Variants in DEFB4A observed in about 807,000 individuals in gnomAD.
DEFB4A encodes the protein beta defensin-2.
rs1191567110 is a variant in DEFB4A at position 7,895,736 on chromosome 8, C to T, written c.59-738C>T. On this transcript the variant is annotated intron_variant, in intron 1 of 1. Transcript: ENST00000302247. ...GAGGCACCAGAGACCTCATATTTTC[C>T]AAAACCTAGAACAGTATAATGAAGG... Among the ~76,000 whole-genome samples the T allele has an allele frequency of 2.7e-5, 2 of 74,416 alleles. 1 individual carries two copies. Among genetic ancestry groups the T allele is most frequent in the Non-Finnish European group, 5.6e-5 (2 of 35,758 alleles). The allele number at this position is 74,416 out of a possible 152,430, so 48.8% of individuals were successfully genotyped here.
Position 7,894,984 on chromosome 8 carries a change from GTCTT to G in DEFB4A, c.58+226_58+229del, listed in dbSNP as rs759307164. Among the ~76,000 whole-genome samples, 69 of 110,430 alleles carry G rather than the reference GTCTT, an allele frequency of 6.2e-4. 5 individuals carry two copies. Among genetic ancestry groups the G allele is most frequent in the Non-Finnish European group, 1.1e-3 (54 of 51,400 alleles). The allele number at this position is 110,430 out of a possible 152,430, so 72.4% of individuals were successfully genotyped here. A position where few individuals can be genotyped will look rare whatever the true frequency, so the allele number is the denominator to read the frequency against. On this transcript the variant is annotated intron_variant, in intron 1 of 1. Transcript: ENST00000302247. Reference sequence around the variant, plus strand: ...TCTTTTTCCTCTCTCCCTAGAGCATGTCTTTCTTTCTTTCTCTTTCCTTTCTTCT... The same window carrying G: ...TCTTTTTCCTCTCTCCCTAGAGCATGTCTTTCTTTCTCTTTCCTTTCTTCT...
chr8:7,895,779 A>C (rs1342551847), intron 1 of DEFB4A, among the ~76,000 whole-genome samples: 1 of 44,282 alleles, frequency 2.3e-5, no homozygotes, highest in African/African-American at 8.4e-5. Context: ...GGAGGCAGGG[A>C]GGCAGGGAGG....
At position 7,895,201 on chromosome 8, in the gene DEFB4A, A is replaced by G. The variant is rs558763374; in HGVS notation, c.58+431A>G. ...TTTCCATGCTACAACTGCTGAGACT[A>G]TGGTTGAAACCTGTTAGGTGACTTT... On this transcript the variant is annotated intron_variant, in intron 1 of 1. Transcript: ENST00000302247. Among the ~76,000 whole-genome samples, 39 of 101,816 alleles carry G rather than the reference A, an allele frequency of 3.8e-4. 11 individuals are homozygous for G. Among genetic ancestry groups the G allele is most frequent in the African/African-American group, 1.5e-3 (39 of 26,206 alleles). 66.8% of individuals were successfully genotyped at this position (101,816 alleles called of 152,430 possible). A position where few individuals can be genotyped will look rare whatever the true frequency, so the allele number is the denominator to read the frequency against.
intron 1 of DEFB4A, among the ~76,000 whole-genome samples, chr8:7,896,077 G>A (rs1192940044): frequency 9.8e-6 from 1 of 102,452 alleles, no homozygotes; most frequent in Non-Finnish European, 2.1e-5. Context: ...ATTTGAAAAA[G>A]CAAAAGTTTA....
chr8:7,895,147 G>A (rs1818987317), intron 1 of DEFB4A, among the ~76,000 whole-genome samples: 1 of 101,476 alleles, frequency 9.9e-6, no homozygotes, highest in Non-Finnish European at 2.1e-5. Context: ...AAGGAGCCCA[G>A]TAGTTTGTAA....
intron 1 of DEFB4A, among the ~76,000 whole-genome samples, chr8:7,895,881 A>T (rs867886908): frequency 0.024 from 1,825 of 74,928 alleles, 239 homozygotes; most frequent in African/African-American, 0.095. Context: ...GAGGGAGGGA[A>T]ACAAAAAGAA....
chr8:7,895,729 T>C lies in DEFB4A; in HGVS notation c.59-745T>C, dbSNP rs574355216. 2.6e-5 allele frequency among the ~76,000 whole-genome samples: 2 copies of C among 76,010 alleles called. 1 individual carries two copies. Among genetic ancestry groups the C allele is most frequent in the Admixed American group, 2.7e-4 (2 of 7,322 alleles). The allele number at this position is 76,010 out of a possible 152,430, so 49.9% of individuals were successfully genotyped here. A position where few individuals can be genotyped will look rare whatever the true frequency, so the allele number is the denominator to read the frequency against. On this transcript the variant is annotated intron_variant, in intron 1 of 1. Coordinates refer to ENST00000302247, the MANE Select transcript of DEFB4A (RefSeq NM_004942.4). The stretch of plus-strand genomic sequence containing the variant: ...GTTCTGAGAGGCACCAGAGACCTCA[T>C]ATTTTCCAAAACCTAGAACAGTATA...
rs1818976124 is a variant in DEFB4A at position 7,894,783 on chromosome 8, A to C, written c.58+13A>C. The C allele has an allele frequency of 6.2e-7, 1 of 1,611,612 alleles. No individual in the cohort carries two copies. The highest frequency in any genetic ancestry group is 1.7e-5 in the Admixed American group (1 of 59,822). ...ATGCCTCTTCCAGGTGAGATGGGCC[A>C]GGGAAATAGGAGGGTTGGCCAAATG... is the stretch of plus-strand genomic sequence containing the variant. On this transcript the variant is annotated intron_variant, in intron 1 of 1. Transcript: ENST00000302247.
intron 1 of DEFB4A, among the ~76,000 whole-genome samples, chr8:7,894,985 T>C (rs1344185996): frequency 9.2e-6 from 1 of 109,080 alleles, no homozygotes; most frequent in Non-Finnish European, 2.0e-5. Context: ...CTAGAGCATG[T>C]CTTTCTTTCT....
At position 7,896,059 on chromosome 8, in the gene DEFB4A, A is replaced by C. The variant is rs1233495395; in HGVS notation, c.59-415A>C. Among the ~76,000 whole-genome samples, 14 of 103,120 alleles carry C rather than the reference A, an allele frequency of 1.4e-4. 6 individuals are homozygous for C. The highest frequency in any genetic ancestry group is 2.6e-4 in the Non-Finnish European group (12 of 46,780). The allele number at this position is 103,120 out of a possible 152,430, so 67.7% of individuals were successfully genotyped here. A position where few individuals can be genotyped will look rare whatever the true frequency, so the allele number is the denominator to read the frequency against. On this transcript the variant is annotated intron_variant, in intron 1 of 1. Coordinates refer to ENST00000302247, the MANE Select transcript of DEFB4A (RefSeq NM_004942.4). ...CCATCTCAGATCAAATACTTAACAG[A>C]CTAAATGATTTGAAAAAGCAAAAGT...
chr8:7,895,051 T>A lies in DEFB4A; in HGVS notation c.58+281T>A, dbSNP rs1373796463. Among the ~76,000 whole-genome samples, 2 of 102,354 alleles carry A rather than the reference T, an allele frequency of 2.0e-5. 1 individual carries two copies. 67.1% of individuals were successfully genotyped at this position (102,354 alleles called of 152,430 possible). ...AGACTGAGTAGACTGAATGCCCTAT[T>A]TAATTGAACCAAGCATTGCTTCCTT... On this transcript the variant is annotated intron_variant, in intron 1 of 1. Transcript: ENST00000302247.
intron 1 of DEFB4A, among the ~76,000 whole-genome samples, chr8:7,896,146 G>C (rs1382741548): frequency 9.8e-6 from 1 of 102,042 alleles, no homozygotes; most frequent in East Asian, 4.0e-4. Context: ...TCTTGTGGTG[G>C]AGCTGAATTC....
At chr8:7,894,933 TCC>T (rs1393197886) in intron 1 of DEFB4A, among the ~76,000 whole-genome samples, 163 bp downstream of exon 1, 1 of 125,514 alleles carries the variant, frequency 8.0e-6, no homozygotes, top group Non-Finnish European at 1.7e-5. Context: ...TCTCTCTTCT[TCC>T]CTCTCTCTCT....
intron 1 of DEFB4A, among the ~76,000 whole-genome samples, chr8:7,895,095 A>G (rs1818986449): frequency 9.8e-6 from 1 of 102,004 alleles, no homozygotes; most frequent in Non-Finnish European, 2.1e-5. Context: ...AAGGAGTTTG[A>G]GAACCCAATG....
At position 7,895,050 on chromosome 8, in the gene DEFB4A, T is replaced by C. The variant is rs1005780999; in HGVS notation, c.58+280T>C. On this transcript the variant is annotated intron_variant, in intron 1 of 1. Coordinates refer to ENST00000302247, the MANE Select transcript of DEFB4A (RefSeq NM_004942.4). Reference sequence around the variant, plus strand: ...TAGACTGAGTAGACTGAATGCCCTATTTAATTGAACCAAGCATTGCTTCCT... The same window carrying C: ...TAGACTGAGTAGACTGAATGCCCTACTTAATTGAACCAAGCATTGCTTCCT... 5.9e-5 allele frequency among the ~76,000 whole-genome samples: 6 copies of C among 102,452 alleles called. 1 individual carries two copies. Among genetic ancestry groups the C allele is most frequent in the Non-Finnish European group, 1.1e-4 (5 of 47,548 alleles). 67.2% of individuals were successfully genotyped at this position (102,452 alleles called of 152,430 possible).
At position 7,895,714 on chromosome 8, in the gene DEFB4A, G is replaced by T. The variant is rs554808226; in HGVS notation, c.59-760G>T. On this transcript the variant is annotated intron_variant, in intron 1 of 1. Transcript: ENST00000302247. The stretch of plus-strand genomic sequence containing the variant: ...TGTGAGAACAATGGGGTTCTGAGAG[G>T]CACCAGAGACCTCATATTTTCCAAA... Among the ~76,000 whole-genome samples the T allele has an allele frequency of 9.9e-4, 75 of 75,612 alleles. 1 individual carries two copies. Among genetic ancestry groups the T allele is most frequent in the African/African-American group, 3.8e-3 (74 of 19,448 alleles). The allele number at this position is 75,612 out of a possible 152,430, so 49.6% of individuals were successfully genotyped here. A position where few individuals can be genotyped will look rare whatever the true frequency, so the allele number is the denominator to read the frequency against.
At chr8:7,895,204 G>T (rs1461413676) in intron 1 of DEFB4A, among the ~76,000 whole-genome samples, 1 of 101,442 alleles carries the variant, frequency 9.9e-6, no homozygotes, top group Non-Finnish European at 2.1e-5. Flanking sequence ...TGAGACTATG[G>T]TTGAAACCTG....
chr8:7,894,965 T>C (rs1818983766), intron 1 of DEFB4A, among the ~76,000 whole-genome samples, 195 bp downstream of exon 1: 1 of 118,780 alleles, frequency 8.4e-6, no homozygotes, highest in Admixed American at 8.4e-5. Flanking sequence ...TCTTTCTTTT[T>C]CCTCTCTCCC....
chr8:7,895,756 T>C (rs1585734420), intron 1 of DEFB4A, among the ~76,000 whole-genome samples: 1 of 69,870 alleles, frequency 1.4e-5, no homozygotes, highest in Non-Finnish European at 3.0e-5. Flanking sequence ...AACAGTATAA[T>C]GAAGGAAGGC....
Sources: allele counts gnomAD v4.1 joint callset (sites outside exome capture counted in the v4.1 genomes callset), GRCh38; gene constraint gnomAD v4.1.1; transcripts MANE v1.5; gene names NCBI Gene and HGNC (gene_info 2026-07-23, HGNC 2026-07-21).